The following HIBADH variants were observed in gnomAD, a reference collection of about 807,000 sequenced individuals.
HIBADH encodes the protein 3-hydroxyisobutyrate dehydrogenase.
In HIBADH, 25 loss-of-function variants were observed where a neutral mutation model predicts 36.1. The observed-to-expected ratio is 0.69, with a 90% CI of 0.50 to 0.97. The LOEUF is 0.97. Ranked by LOEUF, HIBADH falls within the 50% of genes least tolerant of loss-of-function variation. HIBADH has a pLI of 0.00. For missense variants in HIBADH, 421 were observed against 418.0 expected (o/e 1.01, Z -0.06); for synonymous variants, 160 against 149.5 (o/e 1.07, Z -0.51).
intron 4 of HIBADH, among the ~76,000 whole-genome samples, chr7:27,548,632 T>C (rs1177930254): frequency 6.6e-6 from 1 of 152,194 alleles, no homozygotes; most frequent in Non-Finnish European, 1.5e-5. Flanking sequence ...TGTTTTCTGT[T>C]ATATTCAGAA....
At chr7:27,605,494 G>A (rs1324109985) in intron 4 of HIBADH, among the ~76,000 whole-genome samples, 1 of 115,744 alleles carries the variant, frequency 8.6e-6, no homozygotes, top group Non-Finnish European at 1.7e-5. Context: ...CAGGGAGGGG[G>A]GTGGAATCTT....
intron 4 of HIBADH, among the ~76,000 whole-genome samples, chr7:27,577,633 G>T (rs1044262616): frequency 3.3e-5 from 5 of 152,144 alleles, no homozygotes; most frequent in African/African-American, 9.6e-5. Flanking sequence ...AGAAAGGCTC[G>T]CAATATAAAG....
At chr7:27,606,722 C>A (rs1048186004) in intron 4 of HIBADH, among the ~76,000 whole-genome samples, 22 of 152,192 alleles carry the variant, frequency 1.4e-4, no homozygotes, top group African/African-American at 5.1e-4. Flanking sequence ...TCTTACTCTG[C>A]ACTGATTGTT....
intron 4 of HIBADH, among the ~76,000 whole-genome samples, chr7:27,584,292 G>C (rs939565168): frequency 6.6e-6 from 1 of 151,950 alleles, no homozygotes; most frequent in African/African-American, 2.4e-5. Flanking sequence ...TCATACAACG[G>C]TCAATTGGAA....
At chr7:27,586,352 G>A (rs1644965131) in intron 4 of HIBADH, among the ~76,000 whole-genome samples, 1 of 141,364 alleles carries the variant, frequency 7.1e-6, no homozygotes, top group South Asian at 2.6e-4. Flanking sequence ...AAGAGAGAAA[G>A]AGAGACAGGG....
intron 4 of HIBADH, among the ~76,000 whole-genome samples, chr7:27,614,265 A>G (rs1273039314): frequency 1.3e-5 from 2 of 152,198 alleles, no homozygotes; most frequent in Admixed American, 1.3e-4. Flanking sequence ...CACTCGCCAC[A>G]ATGGCACCTA....
At chr7:27,595,579 GGTGTGTGTGT>G (rs3219776) in intron 4 of HIBADH, among the ~76,000 whole-genome samples, 5,569 of 143,416 alleles carry the variant, frequency 0.039, 337 homozygotes, top group African/African-American at 0.13. Context: ...CATAAGGGCA[GGTGTGTGTGT>G]GTGTGTGTGT....
chr7:27,541,823 A>G (rs746775997), intron 5 of HIBADH: 2 of 380,766 alleles, frequency 5.3e-6, no homozygotes, highest in Admixed American at 3.4e-5. Flanking sequence ...ACAATTTACT[A>G]AAGAGATGAA....
Position 27,662,789 on chromosome 7 carries a change from G to T in HIBADH, c.-1C>A. 6.8e-7 allele frequency: 1 copy of T among 1,466,508 alleles called. No individual in the cohort carries two copies. Among genetic ancestry groups the T allele is most frequent in the Non-Finnish European group, 9.0e-7 (1 of 1,107,728 alleles). 90.8% of individuals were successfully genotyped at this position (1,466,508 alleles called of 1,614,324 possible). Reference sequence around the variant, plus strand: ...CGAGGAGCCGTAAGGAGGCTGCCATGCTGCGCCCGCCCCTCTCCCCGCGGT... The same window carrying T: ...CGAGGAGCCGTAAGGAGGCTGCCATTCTGCGCCCGCCCCTCTCCCCGCGGT... On this transcript the variant is annotated 5_prime_UTR_variant, in exon 1 of 8. Coordinates refer to ENST00000265395, the MANE Select transcript of HIBADH (RefSeq NM_152740.4).
At chr7:27,560,571 C>G (rs1179389189) in intron 4 of HIBADH, among the ~76,000 whole-genome samples, 1 of 152,120 alleles carries the variant, frequency 6.6e-6, no homozygotes, top group African/African-American at 2.4e-5. Context: ...ATAAATATAT[C>G]GTTGTTTCTT....
Position 27,533,741 on chromosome 7 carries a change from G to A in HIBADH, c.696-2393C>T, listed in dbSNP as rs895818566. On this transcript the variant is annotated intron_variant, in intron 6 of 7. Coordinates refer to ENST00000265395, the MANE Select transcript of HIBADH (RefSeq NM_152740.4). ...ACTGGAGAAGACTGAGTTTCCATTC[G>A]AAATCAACAAATTAATCCAAGACAG... Among the ~76,000 whole-genome samples the A allele has an allele frequency of 1.3e-4, 20 of 152,186 alleles. No individual in the cohort carries two copies. The South Asian group carries it at 2.9e-3, about 22-fold the overall frequency.
At chr7:27,559,840 C>T (rs1436922682) in intron 4 of HIBADH, among the ~76,000 whole-genome samples, 2 of 152,152 alleles carry the variant, frequency 1.3e-5, no homozygotes, top group Non-Finnish European at 2.9e-5. Context: ...CTGTTAATTA[C>T]TTTTATATGT....
chr7:27,533,453 T>C (rs916254942), intron 6 of HIBADH, among the ~76,000 whole-genome samples: 3 of 152,226 alleles, frequency 2.0e-5, no homozygotes, highest in Middle Eastern at 3.4e-3. Flanking sequence ...GAGATAGTTA[T>C]TCCCTCTCCA....
chr7:27,566,093 T>G (rs1038623590), intron 4 of HIBADH, among the ~76,000 whole-genome samples: 13 of 152,140 alleles, frequency 8.5e-5, no homozygotes, highest in African/African-American at 3.1e-4. Context: ...AATTTTTATG[T>G]GTACAGTATA....
chr7:27,641,654 C>T (rs182777796), intron 2 of HIBADH, among the ~76,000 whole-genome samples: 23 of 152,248 alleles, frequency 1.5e-4, no homozygotes, highest in East Asian at 1.2e-3. Context: ...TATATCAGAA[C>T]GTATTCATCC....
rs186822448 is a variant in HIBADH at position 27,591,408 on chromosome 7, G to A, written c.484+37963C>T. 9.0e-3 allele frequency among the ~76,000 whole-genome samples: 1,366 copies of A among 152,164 alleles called. 20 individuals are homozygous for A. The highest frequency in any genetic ancestry group is 0.031 in the African/African-American group (1,296 of 41,534). On this transcript the variant is annotated intron_variant, in intron 4 of 7. Coordinates refer to ENST00000265395, the MANE Select transcript of HIBADH (RefSeq NM_152740.4). ...CTACTAAAAATACAAAAAATTAGCC[G>A]GGCGTTGTGGCAGGTGCCTGTAGTC...
At chr7:27,641,894 G>C (rs1785967437) in intron 2 of HIBADH, among the ~76,000 whole-genome samples, 1 of 152,074 alleles carries the variant, frequency 6.6e-6, no homozygotes, top group Admixed American at 6.5e-5. Context: ...TCAATACTCA[G>C]AGGACCTCTT....
intron 4 of HIBADH, among the ~76,000 whole-genome samples, chr7:27,617,844 T>C (rs932190792): frequency 1.3e-5 from 2 of 152,120 alleles, no homozygotes; most frequent in African/African-American, 4.8e-5. Flanking sequence ...AGGAAACTCA[T>C]CCTGGGTCAT....
intron 4 of HIBADH, among the ~76,000 whole-genome samples, chr7:27,555,303 T>C (rs1310169830): frequency 9.8e-4 from 2 of 2,034 alleles, no homozygotes; most frequent in Admixed American, 7.1e-3. Flanking sequence ...CTTGCTCTAC[T>C]TTTTTTTTTT....
Sources: allele counts gnomAD v4.1 joint callset (sites outside exome capture counted in the v4.1 genomes callset), GRCh38; gene constraint gnomAD v4.1.1; transcripts MANE v1.5; gene names NCBI Gene and HGNC (gene_info 2026-07-23, HGNC 2026-07-21).